The following IGSF11 variants were observed in gnomAD, a reference collection of about 807,000 sequenced individuals.
The protein encoded by IGSF11 is immunoglobulin superfamily member 11.
In IGSF11, 22 loss-of-function variants were observed where a neutral mutation model predicts 41.0. The ratio of observed to expected loss-of-function variants is 0.54; its 90% CI spans 0.38 to 0.77. The LOEUF is 0.77. Ranked by LOEUF, IGSF11 falls within the 30% of genes least tolerant of loss-of-function variation. The pLI, the probability that IGSF11 is intolerant of heterozygous loss-of-function variation, is 0.00. For synonymous variants in IGSF11, 219 were observed against 201.3 expected, an observed-to-expected ratio of 1.09 and a Z score of -0.74; for missense variants, 444 against 530.8, an observed-to-expected ratio of 0.84 and a Z score of 1.61.
At chr3:119,042,408 T>C (rs1485176916) in intron 1 of IGSF11, among the ~76,000 whole-genome samples, 1 of 152,196 alleles carries the variant, frequency 6.6e-6, no homozygotes, top group African/African-American at 2.4e-5. Flanking sequence ...GCTGACTGGA[T>C]ATAAACTCAA....
At chr3:119,104,917 G>T (rs2076997018) in intron 1 of IGSF11, among the ~76,000 whole-genome samples, 1 of 152,070 alleles carries the variant, frequency 6.6e-6, no homozygotes, top group South Asian at 2.1e-4. Flanking sequence ...TAAGAATTCT[G>T]TCTTATTTCT....
intron 1 of IGSF11, among the ~76,000 whole-genome samples, chr3:119,098,844 G>A (rs968482784): frequency 2.6e-5 from 4 of 152,120 alleles, no homozygotes; most frequent in African/African-American, 9.7e-5. Flanking sequence ...GCACACAAAG[G>A]TGATGTCCTC....
intron 1 of IGSF11, among the ~76,000 whole-genome samples, chr3:118,996,514 C>T (rs973130799): frequency 6.6e-6 from 1 of 152,230 alleles, no homozygotes; most frequent in Admixed American, 6.5e-5. Context: ...AACCATTCTA[C>T]ACACAACAAT....
intron 1 of IGSF11, among the ~76,000 whole-genome samples, chr3:119,083,126 C>CTTTTTTTTTTTTTTTTTTTTT (rs79620142): frequency 2.3e-5 from 3 of 129,118 alleles, no homozygotes; most frequent in Admixed American, 8.0e-5. Flanking sequence ...TTTCTTTTTT[C>CTTTTTTTTTTTTTTTTTTTTT]TTTTTTTTTT....
chr3:119,135,421 G>C (rs531887110), intron 1 of IGSF11, among the ~76,000 whole-genome samples: 15 of 152,012 alleles, frequency 9.9e-5, no homozygotes, highest in Admixed American at 2.0e-4. Flanking sequence ...CAGACACTTC[G>C]CAAAAGAAGA....
At chr3:119,092,338 T>C (rs938683289) in intron 1 of IGSF11, among the ~76,000 whole-genome samples, 2 of 152,142 alleles carry the variant, frequency 1.3e-5, no homozygotes, top group Non-Finnish European at 2.9e-5. Flanking sequence ...GTTTCTTTCT[T>C]TCTTTTTTTT....
chr3:119,046,396 A>G (rs539941845), intron 1 of IGSF11, among the ~76,000 whole-genome samples: 1,813 of 152,252 alleles, frequency 0.012, 17 homozygotes, highest in Non-Finnish European at 0.018. Flanking sequence ...GGGTATCAGC[A>G]ATGGAAGATG....
chr3:118,911,733 G>T (rs1235608483), intron 4 of IGSF11, among the ~76,000 whole-genome samples: 2 of 150,998 alleles, frequency 1.3e-5, no homozygotes, highest in Non-Finnish European at 2.9e-5. Context: ...GAGAGAGAGA[G>T]AGAGAAAGAG....
intron 1 of IGSF11, among the ~76,000 whole-genome samples, chr3:119,102,181 C>T (rs568999893): frequency 6.6e-6 from 1 of 152,282 alleles, no homozygotes; most frequent in South Asian, 2.1e-4. Flanking sequence ...GCCATAATTT[C>T]TCCATTTATC....
intron 1 of IGSF11, among the ~76,000 whole-genome samples, chr3:119,113,178 CAT>C: frequency 6.6e-6 from 1 of 152,252 alleles, no homozygotes; most frequent in South Asian, 2.1e-4. Flanking sequence ...AAATACAAAA[CAT>C]ATCATTCCAC....
chr3:119,017,983 T>C lies in IGSF11; in HGVS notation c.52+16548A>G, dbSNP rs1938913546. 2.6e-5 allele frequency among the ~76,000 whole-genome samples: 4 copies of C among 152,070 alleles called. No homozygotes were observed. In the South Asian group the frequency reaches 8.3e-4, roughly 32 times the overall value. On this transcript the variant is annotated intron_variant, in intron 1 of 6. Transcript: ENST00000393775. ...TTTTAGTAGAGATGGGGTTTCTCCA[T>C]GTTGGTAAGAACTGAGTTTTATACC... is the stretch of plus-strand genomic sequence containing the variant.
intron 1 of IGSF11, among the ~76,000 whole-genome samples, chr3:119,121,946 A>C (rs1268209189): frequency 6.6e-6 from 1 of 152,218 alleles, no homozygotes; most frequent in Non-Finnish European, 1.5e-5. Context: ...TCAACTAAGA[A>C]TTCTGTCCAA....
rs377207568 is a variant in IGSF11 at position 118,905,731 on chromosome 3, T to C, written c.581-13A>G. ...CCCTGGACCTGGTCTGTCACAAAAA[T>C]AATAACCGAGTGAGGATTTGGCGGG... On this transcript the variant is annotated splice_polypyrimidine_tract_variant and intron_variant, in intron 4 of 6. Coordinates refer to ENST00000393775, the MANE Select transcript of IGSF11 (RefSeq NM_001015887.3). 1.9e-6 allele frequency: 3 copies of C among 1,612,908 alleles called. No individual in the cohort carries two copies. The highest frequency in any genetic ancestry group is 2.5e-6 in the Non-Finnish European group (3 of 1,179,360).
rs1305621414 is a variant in IGSF11, at chr3:118,928,691, A to G, written c.242T>C (p.Met81Thr). The change falls in exon 3 of 7, where the codon ATG becomes ACG. Residue 81 changes from methionine to threonine, a missense_variant. Coordinates refer to ENST00000393775, the MANE Select transcript of IGSF11 (RefSeq NM_001015887.3). ...GTGGAACCGGGGGGCACCATCAAAC[A>G]TCTGTCCACCCTGATACAGGATGAC... ...EQVILYQGGQ[M>T]FDGAPRFHGR... 1.9e-6 allele frequency: 3 copies of G among 1,613,930 alleles called. No homozygotes were observed. The highest frequency in any genetic ancestry group is 1.1e-5 in the South Asian group (1 of 91,066).
chr3:119,008,987 G>A (rs1172698250), intron 1 of IGSF11, among the ~76,000 whole-genome samples: 1 of 152,132 alleles, frequency 6.6e-6, no homozygotes, highest in Non-Finnish European at 1.5e-5. Flanking sequence ...TACTGCCTCT[G>A]CAGATACTGG....
chr3:119,108,827 T>C (rs2077085813), upstream of IGSF11, among the ~76,000 whole-genome samples: 1 of 144,132 alleles, frequency 6.9e-6, no homozygotes, highest in Non-Finnish European at 1.6e-5. Context: ...AAAGGCTTTT[T>C]CTGCATCTAT....
chr3:118,969,137 G>C (rs1933071263), intron 1 of IGSF11, among the ~76,000 whole-genome samples: 1 of 151,862 alleles, frequency 6.6e-6, no homozygotes, highest in Non-Finnish European at 1.5e-5. Flanking sequence ...AACACTAACA[G>C]CCATAGAACA....
At chr3:119,047,085 C>G (rs1244349292) in intron 1 of IGSF11, among the ~76,000 whole-genome samples, 3 of 148,776 alleles carry the variant, frequency 2.0e-5, no homozygotes, top group Non-Finnish European at 4.5e-5. Context: ...GAAACTGCAT[C>G]AACTAACGAG....
chr3:119,056,361 A>T (rs1220794334), intron 1 of IGSF11, among the ~76,000 whole-genome samples: 1 of 152,228 alleles, frequency 6.6e-6, no homozygotes, highest in Non-Finnish European at 1.5e-5. Flanking sequence ...CAAATAAACT[A>T]GAAAATCTAG....
Sources: allele counts gnomAD v4.1 joint callset (sites outside exome capture counted in the v4.1 genomes callset), GRCh38; gene constraint gnomAD v4.1.1; transcripts MANE v1.5; gene names NCBI Gene and HGNC (gene_info 2026-07-23, HGNC 2026-07-21).